ARHGEF9: variants seen among roughly 807,000 people sequenced by gnomAD.
ARHGEF9 encodes the protein rho guanine nucleotide exchange factor 9.
A neutral mutation model predicts 41.3 loss-of-function variants in ARHGEF9; 2 were observed. The observed-to-expected ratio is 0.05, with a 90% CI of 0.02 to 0.15. The LOEUF (loss-of-function observed/expected upper bound fraction) is 0.15. ARHGEF9 is among the 10% of genes least tolerant of loss of function. The pLI, the probability that ARHGEF9 is intolerant of heterozygous loss-of-function variation, is 1.00. For synonymous variants in ARHGEF9, 160 were observed against 154.4 expected, an observed-to-expected ratio of 1.04 and a Z score of -0.27; for missense variants, 225 against 424.7, an observed-to-expected ratio of 0.53 and a Z score of 4.13.
At chrX:63,684,103 T>C (rs1602387758) in intron 4 of ARHGEF9, among the ~76,000 whole-genome samples, 1 of 109,945 alleles carries the variant, frequency 9.1e-6, no homozygotes, top group Non-Finnish European at 1.9e-5. Flanking sequence ...GGTTAATATA[T>C]ATAAAATATA....
chrX:63,682,941 A>AC (rs2050747827), intron 4 of ARHGEF9, among the ~76,000 whole-genome samples: 1 of 111,407 alleles, frequency 9.0e-6, no homozygotes, highest in Admixed American at 9.5e-5. Context: ...AAGGATGCCC[A>AC]CCCTTGCCAA....
intron 1 of ARHGEF9, among the ~76,000 whole-genome samples, chrX:63,731,528 G>A (rs1485801277): frequency 9.5e-6 from 1 of 104,722 alleles, no homozygotes; most frequent in Non-Finnish European, 1.9e-5. Flanking sequence ...AAATGATCTT[G>A]GACAGGTCCC....
intron 1 of ARHGEF9, among the ~76,000 whole-genome samples, chrX:63,764,263 A>G (rs376515624): frequency 1.7e-4 from 19 of 112,768 alleles, no homozygotes; most frequent in Admixed American, 1.4e-3. Flanking sequence ...CAAAACCACA[A>G]TGACATACCA....
intron 2 of ARHGEF9, among the ~76,000 whole-genome samples, chrX:63,713,365 G>A (rs1165335443): frequency 9.1e-6 from 1 of 109,974 alleles, no homozygotes; most frequent in Non-Finnish European, 1.9e-5. Flanking sequence ...TACCCTGCCA[G>A]CAATTGCACA....
intron 1 of ARHGEF9, chrX:63,732,242 T>G (rs1556420488): frequency 9.0e-6 from 1 of 111,125 alleles, no homozygotes. Context: ...ATGACATCAG[T>G]TCTCGCTCAC....
At chrX:63,659,408 C>T (rs2049077081) in intron 7 of ARHGEF9, among the ~76,000 whole-genome samples, 1 of 112,051 alleles carries the variant, frequency 8.9e-6, no homozygotes, top group Admixed American at 9.5e-5. Flanking sequence ...TTTATCATTT[C>T]CAATAAAATG....
intron 1 of ARHGEF9, among the ~76,000 whole-genome samples, chrX:63,773,605 T>C (rs192031792): frequency 1.8e-5 from 2 of 112,231 alleles, no homozygotes; most frequent in East Asian, 5.6e-4. Flanking sequence ...TGTATCAACT[T>C]GACTGAGCCA....
At chrX:63,666,541 C>G (rs1413593792) in intron 6 of ARHGEF9, among the ~76,000 whole-genome samples, 3 of 107,633 alleles carry the variant, frequency 2.8e-5, no homozygotes, top group African/African-American at 1.0e-4. Context: ...CTGTCCCAGT[C>G]TCTCAATCCC....
intron 4 of ARHGEF9, among the ~76,000 whole-genome samples, chrX:63,682,297 A>G (rs1349423929): frequency 1.8e-5 from 2 of 110,676 alleles, no homozygotes; most frequent in African/African-American, 3.3e-5. Flanking sequence ...GGCAGATCAC[A>G]AGGTCAGGAG....
At chrX:63,755,346 C>G in intron 1 of ARHGEF9, 1 of 608,289 alleles carries the variant, frequency 1.6e-6, no homozygotes, top group South Asian at 1.0e-4. Context: ...GCGAGAGTCA[C>G]CAGCCACCAG....
intron 6 of ARHGEF9, among the ~76,000 whole-genome samples, chrX:63,668,701 C>T (rs2049744526): frequency 8.9e-6 from 1 of 112,142 alleles, no homozygotes; most frequent in South Asian, 3.7e-4. Flanking sequence ...TACTTATTTT[C>T]TTGACTATTA....
At chrX:63,721,576 T>C (rs1461830879) in intron 2 of ARHGEF9, among the ~76,000 whole-genome samples, 1 of 110,402 alleles carries the variant, frequency 9.1e-6, no homozygotes, top group Admixed American at 9.7e-5. Context: ...GTTCATTTTG[T>C]GCACAGTGAC....
intron 1 of ARHGEF9, among the ~76,000 whole-genome samples, chrX:63,774,989 A>T (rs1216786638): frequency 8.9e-6 from 1 of 112,413 alleles, no homozygotes; most frequent in Non-Finnish European, 1.9e-5. Context: ...CAAAAAAAAT[A>T]CAACCTCATT....
At chrX:63,645,381 C>T (rs2047963219) in intron 8 of ARHGEF9, among the ~76,000 whole-genome samples, 1 of 110,611 alleles carries the variant, frequency 9.0e-6, no homozygotes, top group African/African-American at 3.3e-5. Flanking sequence ...CTCTCCATTC[C>T]CCCAACCCCA....
chrX:63,714,856 T>C (rs1265858500), intron 2 of ARHGEF9, among the ~76,000 whole-genome samples: 6 of 111,870 alleles, frequency 5.4e-5, no homozygotes, highest in Non-Finnish European at 1.1e-4. Context: ...TTTTAGGAAG[T>C]ACTTTTGTAA....
rs1338794368 is a variant in ARHGEF9, at chrX:63,667,573, C to T, written c.946-1556G>A. ...GAAATAATCAGAGGCAAACACAAATCAGGCAGGGTAGTAGGCCAGAGAGTG... is the reference window on the plus strand; with the variant it reads ...GAAATAATCAGAGGCAAACACAAATTAGGCAGGGTAGTAGGCCAGAGAGTG... On this transcript the variant is annotated intron_variant, in intron 6 of 9. Transcript: ENST00000671741. Among the ~76,000 whole-genome samples the T allele has an allele frequency of 1.2e-4, 13 of 110,871 alleles. No homozygotes were observed. The Admixed American group carries it at 1.2e-3, about 11-fold the overall frequency.
At chrX:63,778,013 G>C (rs1414708717) in intron 1 of ARHGEF9, among the ~76,000 whole-genome samples, 1 of 112,593 alleles carries the variant, frequency 8.9e-6, no homozygotes, top group Non-Finnish European at 1.9e-5. Flanking sequence ...ACTCCACTAG[G>C]CAGTGCCCCA....
intron 8 of ARHGEF9, among the ~76,000 whole-genome samples, chrX:63,646,411 G>C (rs782779080): frequency 1.3e-4 from 14 of 111,923 alleles, no homozygotes; most frequent in Non-Finnish European, 1.9e-5. Flanking sequence ...TTTGTATAAG[G>C]TGTAAGGAAG....
intron 4 of ARHGEF9, among the ~76,000 whole-genome samples, chrX:63,693,986 C>T (rs2051560925): frequency 9.1e-6 from 1 of 110,283 alleles, no homozygotes; most frequent in African/African-American, 3.3e-5. Context: ...AGTTTGAGAC[C>T]AGCCTGGCCA....
Sources: allele counts gnomAD v4.1 joint callset (sites outside exome capture counted in the v4.1 genomes callset), GRCh38; gene constraint gnomAD v4.1.1; transcripts MANE v1.5; gene names NCBI Gene and HGNC (gene_info 2026-07-23, HGNC 2026-07-21).